The following KANSL2 variants were observed in gnomAD, a reference collection of about 807,000 sequenced individuals.
KANSL2 encodes the protein KAT8 regulatory NSL complex subunit 2, also known as NSL complex protein NSL2.
In KANSL2, 34 loss-of-function variants were observed where a neutral mutation model predicts 55.6. The ratio of observed to expected loss-of-function variants is 0.61; its 90% CI spans 0.46 to 0.81. The LOEUF (loss-of-function observed/expected upper bound fraction) is 0.81, where lower values mean the gene tolerates loss of function less well. KANSL2 is among the 40% of genes least tolerant of loss of function. KANSL2 has a pLI of 0.00. For synonymous variants in KANSL2, 209 were observed against 214.3 expected, an observed-to-expected ratio of 0.98 and a Z score of 0.22; for missense variants, 502 against 609.9, an observed-to-expected ratio of 0.82 and a Z score of 1.86.
intron 7 of KANSL2, among the ~76,000 whole-genome samples, chr12:48,662,333 G>C (rs1939502962): frequency 6.6e-6 from 1 of 152,306 alleles, no homozygotes; most frequent in East Asian, 1.9e-4. Context: ...TCTAACTCCT[G>C]ACCTCAGGTG....
chr12:48,672,393 GTATATATATATATACGTATATATA>G (rs1939734014), intron 4 of KANSL2, among the ~76,000 whole-genome samples: 3 of 121,360 alleles, frequency 2.5e-5, no homozygotes, highest in South Asian at 2.6e-4. Context: ...ATATATACAT[GTATATATATATATACGTATATATA>G]TATATATATA....
At chr12:48,678,629 C>A (rs971330796) in intron 4 of KANSL2, among the ~76,000 whole-genome samples, 1 of 152,118 alleles carries the variant, frequency 6.6e-6, no homozygotes, top group African/African-American at 2.4e-5. Context: ...ATTTATAAAT[C>A]CCATAAACAC....
intron 4 of KANSL2, among the ~76,000 whole-genome samples, chr12:48,672,376 C>CAT: frequency 7.8e-6 from 1 of 127,906 alleles, no homozygotes; most frequent in African/African-American, 3.0e-5. Flanking sequence ...TGTATATATA[C>CAT]GTATATATAT....
chr12:48,655,136 T>C (rs1432731640), intron 8 of KANSL2, 76 bp from the exon 9 acceptor site: 2 of 1,429,698 alleles, frequency 1.4e-6, no homozygotes, highest in Non-Finnish European at 1.9e-6. Context: ...CAGCAAACTT[T>C]AAAGCAATAC....
In KANSL2 at chr12:48,666,320, G is replaced by A. The variant is rs111725923; in HGVS notation, c.973+1373C>T. Reference sequence around the variant, plus strand: ...TAAGCCCAGCATTTGGGGAGGAAAGGACTGGCAGACTGCTTAAGCCCAGCA... The same window carrying A: ...TAAGCCCAGCATTTGGGGAGGAAAGAACTGGCAGACTGCTTAAGCCCAGCA... On this transcript the variant is annotated intron_variant, in intron 7 of 9. Transcript: ENST00000420613. Among the ~76,000 whole-genome samples, 524 of 152,052 alleles carry A rather than the reference G, an allele frequency of 3.4e-3. 2 individuals are homozygous for A. Among genetic ancestry groups the A allele is most frequent in the Non-Finnish European group, 5.8e-3 (393 of 67,990 alleles).
chr12:48,670,439 T>C (rs1939689861), intron 5 of KANSL2, among the ~76,000 whole-genome samples: 1 of 152,184 alleles, frequency 6.6e-6, no homozygotes, highest in Admixed American at 6.6e-5. Flanking sequence ...CCCGAAGACC[T>C]TCCACTGGGA....
At chr12:48,678,557 C>A (rs552026565) in intron 4 of KANSL2, among the ~76,000 whole-genome samples, 20 of 152,286 alleles carry the variant, frequency 1.3e-4, no homozygotes, top group African/African-American at 4.8e-4. Flanking sequence ...AGTATCCAAA[C>A]ATCACACTGT....
At chr12:48,662,451 A>C in intron 7 of KANSL2, 25 of 1,041,572 alleles carry the variant, frequency 2.4e-5, no homozygotes, top group Non-Finnish European at 2.9e-5. Flanking sequence ...CAAGTCTCTT[A>C]TGTATTTAAT....
In KANSL2 at chr12:48,667,704, T is replaced by C. The variant is rs1295581910; in HGVS notation, c.962A>G (p.His321Arg). The C allele has an allele frequency of 6.2e-7, 1 of 1,612,450 alleles. No individual in the cohort carries two copies. The highest frequency in any genetic ancestry group is 8.5e-7 in the Non-Finnish European group (1 of 1,178,574). ...GAGTAAAAAGATACGGGTAAGGCAG[T>C]GTCTGGTCATTGGAAGAGACTGATT... is the stretch of plus-strand genomic sequence containing the variant. ...CSNQSLPMTR[H>R]CLTHICQDTN... Residue 321 changes from histidine to arginine, a missense_variant, in exon 7 of 10, where the codon CAC becomes CGC. His to Arg is a conservative substitution (Grantham distance 29). Transcript: ENST00000420613.
intron 7 of KANSL2, among the ~76,000 whole-genome samples, chr12:48,663,145 A>G (rs1433009443): frequency 1.3e-5 from 2 of 152,204 alleles, no homozygotes. Flanking sequence ...TAAAAATGTT[A>G]AGGCTGTCTC....
intron 4 of KANSL2, among the ~76,000 whole-genome samples, chr12:48,673,698 A>G (rs1295934056): frequency 1.3e-5 from 2 of 152,168 alleles, no homozygotes; most frequent in Non-Finnish European, 2.9e-5. Context: ...CTGTAATCCC[A>G]GCACTTTGGG....
At chr12:48,665,249 T>C (rs1939572464) in intron 7 of KANSL2, among the ~76,000 whole-genome samples, 1 of 152,126 alleles carries the variant, frequency 6.6e-6, no homozygotes, top group South Asian at 2.1e-4. Context: ...AAGAAGAGGT[T>C]CTCCTTCTCC....
At chr12:48,677,104 A>C (rs185782993) in intron 4 of KANSL2, among the ~76,000 whole-genome samples, 2 of 152,352 alleles carry the variant, frequency 1.3e-5, no homozygotes, top group East Asian at 3.9e-4. Context: ...TAGTGGGTCT[A>C]AATTTTTTTA....
Position 48,679,785 on chromosome 12 carries a change from A to G in KANSL2, c.300T>C (p.His100=), listed in dbSNP as rs2137206448. The G allele has an allele frequency of 1.2e-6, 2 of 1,608,772 alleles. No homozygotes were observed. Among genetic ancestry groups the G allele is most frequent in the East Asian group, 2.2e-5 (1 of 44,796 alleles). Residue 100 remains histidine (H), a synonymous_variant, in exon 3 of 10, where the codon CAT becomes CAC. Transcript: ENST00000420613. ...CTGGGTTGGTCTTCTTCATTTGAGC[A>G]TGAAGTGCCAGGGCATTCCTACGGA... ...EHVRRNALAL[H]AQMKKTNPGP... is the part of the protein sequence containing the mutation.
chr12:48,681,166 T>A (rs1278807906), intron 2 of KANSL2: 1 of 451,208 alleles, frequency 2.2e-6, no homozygotes. Flanking sequence ...ATGCCTTTAT[T>A]TTACAGATAA....
chr12:48,659,139 C>T (rs923843012), intron 8 of KANSL2, among the ~76,000 whole-genome samples: 1 of 151,548 alleles, frequency 6.6e-6, no homozygotes, highest in Admixed American at 6.6e-5. Context: ...ACAAAAAATA[C>T]AAAAATCAGC....
intron 4 of KANSL2, among the ~76,000 whole-genome samples, chr12:48,672,994 A>G (rs1939755255): frequency 6.6e-6 from 1 of 151,966 alleles, no homozygotes; most frequent in Non-Finnish European, 1.5e-5. Context: ...CTGACCTCAG[A>G]TCGATCTTCC....
Position 48,667,298 on chromosome 12 carries a change from A to G in KANSL2, c.973+395T>C, listed in dbSNP as rs184980749. Among the ~76,000 whole-genome samples the G allele has an allele frequency of 1.6e-3, 246 of 152,324 alleles. 1 individual carries two copies. Among genetic ancestry groups the G allele is most frequent in the African/African-American group, 5.5e-3 (228 of 41,576 alleles). ...CTTTCAACTGGGGTGGAAAACCCAC[A>G]GTAATTTTTTAAGTTTATAATTAGA... On this transcript the variant is annotated intron_variant, in intron 7 of 9. Coordinates refer to ENST00000420613, the MANE Select transcript of KANSL2 (RefSeq NM_017822.4).
intron 4 of KANSL2, among the ~76,000 whole-genome samples, chr12:48,672,433 A>ATATATATATT (rs371918890): frequency 2.5e-5 from 3 of 120,384 alleles, no homozygotes; most frequent in Non-Finnish European, 4.8e-5. Flanking sequence ...ATATATATAT[A>ATATATATATT]TTTTTTTTTT....
Sources: allele counts gnomAD v4.1 joint callset (sites outside exome capture counted in the v4.1 genomes callset), GRCh38; gene constraint gnomAD v4.1.1; transcripts MANE v1.5; gene names NCBI Gene and HGNC (gene_info 2026-07-23, HGNC 2026-07-21).